Variants in MYO1D observed in about 807,000 individuals in gnomAD.
MYO1D encodes unconventional myosin-Id.
A neutral mutation model predicts 122.0 loss-of-function variants in MYO1D; 83 were observed. That is an observed-to-expected ratio of 0.68 (90% confidence interval 0.57 to 0.82). The LOEUF is 0.82. MYO1D is among the 40% of genes least tolerant of loss of function. The probability of loss-of-function intolerance (pLI) is 0.00; values close to 1 mark genes in which losing one functional copy is unlikely to be tolerated. For missense variants in MYO1D, 1,157 were observed against 1,269.5 expected, an observed-to-expected ratio of 0.91 and a Z score of 1.35; for synonymous variants, 464 against 446.9, an observed-to-expected ratio of 1.04 and a Z score of -0.48.
chr17:32,866,033 A>G (rs1470219286), intron 1 of MYO1D, among the ~76,000 whole-genome samples: 1 of 152,176 alleles, frequency 6.6e-6, no homozygotes, highest in Non-Finnish European at 1.5e-5. Context: ...TCATTTTTTT[A>G]CAGACAAGGT....
At chr17:32,730,531 GGTTTTT>G (rs2089625919) in intron 14 of MYO1D, among the ~76,000 whole-genome samples, 1 of 151,938 alleles carries the variant, frequency 6.6e-6, no homozygotes, top group African/African-American at 2.4e-5. Context: ...CTCTGTTTTT[GGTTTTT>G]GTTTTTCAGA....
chr17:32,697,233 G>A (rs2089184663), intron 16 of MYO1D, among the ~76,000 whole-genome samples: 4 of 152,262 alleles, frequency 2.6e-5, no homozygotes, highest in African/African-American at 9.6e-5. Flanking sequence ...AGTAATGAAT[G>A]AACAAATCCA....
chr17:32,600,222 T>C (rs1370707506), intron 21 of MYO1D, among the ~76,000 whole-genome samples: 1 of 152,234 alleles, frequency 6.6e-6, no homozygotes, highest in African/African-American at 2.4e-5. Flanking sequence ...ATCCAGGCCT[T>C]GTGTTTCATT....
intron 21 of MYO1D, among the ~76,000 whole-genome samples, chr17:32,581,989 TCCTGA>T (rs1321700704): frequency 6.6e-6 from 1 of 152,188 alleles, no homozygotes; most frequent in Non-Finnish European, 1.5e-5. Context: ...GGTCTTGAAC[TCCTGA>T]CCTGTCTTGG....
chr17:32,662,079 C>T (rs947456155), intron 16 of MYO1D, among the ~76,000 whole-genome samples: 1 of 152,132 alleles, frequency 6.6e-6, no homozygotes, highest in African/African-American at 2.4e-5. Flanking sequence ...AATTTTTTTA[C>T]TTGTCAGGCA....
rs57902806 is a variant in MYO1D at position 32,691,404 on chromosome 17, CTTTT to C, written c.2121+20580_2121+20583del. Among the ~76,000 whole-genome samples the C allele has an allele frequency of 7.2e-5, 8 of 110,456 alleles. No individual in the cohort carries two copies. In the East Asian group the frequency reaches 7.5e-4, roughly 10 times the overall value. The allele number at this position is 110,456 out of a possible 152,430, so 72.5% of individuals were successfully genotyped here. A position where few individuals can be genotyped will look rare whatever the true frequency, so the allele number is the denominator to read the frequency against. ...CATGAGAAATGTTGCAAAGAAAATT[CTTTT>C]TTTTTTTTTTTTTTTTGAGATGGAG... is the stretch of plus-strand genomic sequence containing the variant. On this transcript the variant is annotated intron_variant, in intron 16 of 21. Transcript: ENST00000318217.
intron 21 of MYO1D, among the ~76,000 whole-genome samples, chr17:32,550,556 C>T (rs1239928881): frequency 2.6e-5 from 4 of 152,180 alleles, no homozygotes; most frequent in Non-Finnish European, 5.9e-5. Flanking sequence ...TAATACCACA[C>T]ATTAAAAATG....
chr17:32,663,467 C>G (rs962451789), intron 16 of MYO1D, among the ~76,000 whole-genome samples: 2 of 152,184 alleles, frequency 1.3e-5, no homozygotes, highest in Admixed American at 1.3e-4. Flanking sequence ...TAAGTAACTG[C>G]TTTACTTCAT....
At chr17:32,613,761 G>A (rs1406778755) in intron 20 of MYO1D, among the ~76,000 whole-genome samples, 1 of 132,746 alleles carries the variant, frequency 7.5e-6, no homozygotes, top group East Asian at 2.3e-4. Context: ...CAGCACTCCA[G>A]CCTGGGCGAC....
intron 15 of MYO1D, among the ~76,000 whole-genome samples, chr17:32,713,152 G>A (rs757209101): frequency 6.6e-6 from 1 of 152,096 alleles, no homozygotes; most frequent in Non-Finnish European, 1.5e-5. Flanking sequence ...ATGCATTTAT[G>A]TTTTCTTCTA....
At chr17:32,728,651 T>C (rs2089603115) in intron 14 of MYO1D, among the ~76,000 whole-genome samples, 1 of 152,204 alleles carries the variant, frequency 6.6e-6, no homozygotes, top group South Asian at 2.1e-4. Context: ...GAAAATCCTA[T>C]ATGTTGAAAA....
intron 21 of MYO1D, among the ~76,000 whole-genome samples, chr17:32,527,838 CTTTT>C (rs35009377): frequency 1.3e-4 from 18 of 134,834 alleles, no homozygotes; most frequent in South Asian, 2.4e-4. Flanking sequence ...AGCAAAACAA[CTTTT>C]TTTTTTTTTT....
chr17:32,623,067 G>A (rs954239314), intron 20 of MYO1D, among the ~76,000 whole-genome samples: 3 of 150,326 alleles, frequency 2.0e-5, no homozygotes, highest in Non-Finnish European at 4.4e-5. Flanking sequence ...TGGTAAGGGC[G>A]GACATCAGAG....
At chr17:32,599,809 C>G (rs62068384) in intron 21 of MYO1D, among the ~76,000 whole-genome samples, 2 of 152,086 alleles carry the variant, frequency 1.3e-5, no homozygotes, top group Non-Finnish European at 2.9e-5. Flanking sequence ...TGTGCCACCA[C>G]GCCTGGCTAA....
chr17:32,844,388 T>TATATATATAC (rs1360185914), intron 1 of MYO1D, among the ~76,000 whole-genome samples: 5 of 146,894 alleles, frequency 3.4e-5, no homozygotes, highest in Admixed American at 1.4e-4. Flanking sequence ...TGTGTATATA[T>TATATATATAC]ACTATATATA....
intron 20 of MYO1D, among the ~76,000 whole-genome samples, chr17:32,617,885 T>G (rs2087795997): frequency 6.6e-6 from 1 of 152,218 alleles, no homozygotes; most frequent in African/African-American, 2.4e-5. Context: ...TTCAAAAATT[T>G]TTTGTTATTA....
intron 3 of MYO1D, among the ~76,000 whole-genome samples, chr17:32,777,612 T>C (rs943916118): frequency 2.6e-5 from 4 of 152,174 alleles, no homozygotes; most frequent in African/African-American, 7.2e-5. Context: ...CATCTTCCCA[T>C]GAGCAATAGC....
Position 32,767,752 on chromosome 17 carries a change from A to G in MYO1D, c.715T>C (p.Ser239Pro). The change falls in exon 7 of 22, where the codon TCT (serine) becomes CCT (proline). Residue 239 changes from serine (S) to proline (P), a missense_variant and splice_region_variant. Ser to Pro is a moderately conservative substitution (Grantham distance 74, BLOSUM62 -1). Transcript: ENST00000318217. ...AATTCGGCAGCATCATTGATAGAAGACTGGGGATGAAAATGAAAAACTGAA... is the reference window on the plus strand; with the variant it reads ...AATTCGGCAGCATCATTGATAGAAGGCTGGGGATGAAAATGAAAAACTGAA... ...NYIHVGAQLK[S>P]SINDAAEFRV... 1 of 1,601,628 alleles carries G rather than the reference A, an allele frequency of 6.2e-7. No individual in the cohort carries two copies. The highest frequency in any genetic ancestry group is 8.5e-7 in the Non-Finnish European group (1 of 1,169,974).
At chr17:32,771,463 T>C (rs2090112207) in intron 5 of MYO1D, among the ~76,000 whole-genome samples, 1 of 152,228 alleles carries the variant, frequency 6.6e-6, no homozygotes, top group African/African-American at 2.4e-5. Flanking sequence ...TCATCTCATT[T>C]ACAATATAAC....
Sources: gnomAD v4.1 joint callset for allele counts (sites outside exome capture counted in the v4.1 genomes callset) on GRCh38, gnomAD v4.1.1 for gene constraint, MANE v1.5 for transcripts, NCBI Gene and HGNC (gene_info 2026-07-23, HGNC 2026-07-21) for gene names.